NKAIN1: variants seen among roughly 807,000 people sequenced by gnomAD.
NKAIN1 encodes sodium/potassium transporting ATPase interacting 1, also known as sodium/potassium-transporting ATPase subunit beta-1-interacting protein 1.
Under a neutral mutation model 31.6 loss-of-function variants are expected in NKAIN1, and 13 were observed. The observed-to-expected ratio is 0.41, with a 90% CI of 0.27 to 0.65. The LOEUF (loss-of-function observed/expected upper bound fraction) is 0.65. Ranked by LOEUF, NKAIN1 falls within the 30% of genes least tolerant of loss-of-function variation. NKAIN1 has a pLI of 0.30. For synonymous variants in NKAIN1, 104 were observed against 109.0 expected (o/e 0.95, Z 0.28); for missense variants, 193 against 262.2 (o/e 0.74, Z 1.82).
intron 1 of NKAIN1, among the ~76,000 whole-genome samples, chr1:31,235,151 T>A (rs769793081): frequency 6.6e-6 from 1 of 152,112 alleles, no homozygotes; most frequent in Non-Finnish European, 1.5e-5. Flanking sequence ...GGAATGATAA[T>A]GATGATGATG....
chr1:31,234,206 G>A (rs755871623), intron 1 of NKAIN1, among the ~76,000 whole-genome samples: 29 of 152,150 alleles, frequency 1.9e-4, no homozygotes, highest in Non-Finnish European at 3.7e-4. Flanking sequence ...AGGGGCCAGT[G>A]GCCTGCATAA....
intron 1 of NKAIN1, among the ~76,000 whole-genome samples, chr1:31,199,245 G>T (rs554668116): frequency 6.6e-6 from 1 of 152,136 alleles, no homozygotes; most frequent in Non-Finnish European, 1.5e-5. Flanking sequence ...AGTTCTCATC[G>T]ACTCACTGTG....
intron 1 of NKAIN1, among the ~76,000 whole-genome samples, chr1:31,193,511 A>G (rs1645302216): frequency 1.3e-5 from 2 of 151,940 alleles, no homozygotes; most frequent in South Asian, 4.2e-4. Flanking sequence ...CCTAGCCAAC[A>G]TGGGGAAAAC....
rs1036617678 is a variant in NKAIN1 at position 31,236,228 on chromosome 1, C to G, written c.54+3266G>C. ...AAACTTCAGAGCCTTAACTACTATCCTACACTTATCCATCTGAAAGGCACA... is the reference window on the plus strand; with the variant it reads ...AAACTTCAGAGCCTTAACTACTATCGTACACTTATCCATCTGAAAGGCACA... On this transcript the variant is annotated intron_variant, in intron 1 of 6. Coordinates refer to ENST00000373736, the MANE Select transcript of NKAIN1 (RefSeq NM_024522.3). Among the ~76,000 whole-genome samples the G allele has an allele frequency of 3.3e-5, 5 of 152,154 alleles. No homozygotes were observed. The East Asian group carries it at 7.7e-4, about 23-fold the overall frequency.
intron 1 of NKAIN1, among the ~76,000 whole-genome samples, chr1:31,193,479 G>A (rs1176642892): frequency 2.6e-5 from 4 of 151,906 alleles, no homozygotes; most frequent in East Asian, 2.0e-4. Flanking sequence ...GGTGGATCAC[G>A]AGGTCAGGAG....
At chr1:31,232,395 T>TCA (rs1188048247) in intron 1 of NKAIN1, among the ~76,000 whole-genome samples, 1,297 of 12,136 alleles carry the variant, frequency 0.11, 110 homozygotes, top group African/African-American at 0.21. Flanking sequence ...CTGGCCTACT[T>TCA]CATATATATA....
At position 31,233,195 on chromosome 1, in the gene NKAIN1, A is replaced by C. The variant is rs1645668103; in HGVS notation, c.54+6299T>G. 6.6e-6 allele frequency among the ~76,000 whole-genome samples: 1 copy of C among 152,006 alleles called. No homozygotes were observed. Among genetic ancestry groups the C allele is most frequent in the Non-Finnish European group, 1.5e-5 (1 of 68,008 alleles). The stretch of plus-strand genomic sequence containing the variant: ...GAACTCCTGATCTCAAGTGATCTGC[A>C]TGCCTCGGCCTCCCAAAGTGCTGGG... On this transcript the variant is annotated intron_variant, in intron 1 of 6. Coordinates refer to ENST00000373736, the MANE Select transcript of NKAIN1 (RefSeq NM_024522.3). This position sits in a 1 kb window ranked among gnomAD's most constrained non-coding sequence, Gnocchi z 4.0.
At chr1:31,182,451 G>A (rs1645210265) in intron 5 of NKAIN1, 79 bp downstream of exon 5, 1 of 1,526,446 alleles carries the variant, frequency 6.6e-7, no homozygotes, top group African/African-American at 1.4e-5. Flanking sequence ...CCTCCCGCCG[G>A]GGCCAGTCAC....
chr1:31,234,452 G>A (rs1302584802), intron 1 of NKAIN1, among the ~76,000 whole-genome samples: 2 of 134,884 alleles, frequency 1.5e-5, no homozygotes, highest in Non-Finnish European at 1.5e-5. Context: ...CCCGCCCCCC[G>A]CCCCCACCTT....
chr1:31,200,668 C>A (rs919191889), intron 1 of NKAIN1, among the ~76,000 whole-genome samples: 2 of 151,932 alleles, frequency 1.3e-5, no homozygotes, highest in African/African-American at 4.8e-5. Flanking sequence ...ACTATATTTC[C>A]CAGGCTGGTC....
intron 1 of NKAIN1, among the ~76,000 whole-genome samples, chr1:31,221,623 C>A (rs6662203): frequency 0.32 from 48,020 of 151,532 alleles, 9,641 homozygotes; most frequent in African/African-American, 0.57. Flanking sequence ...TTTAGTAGAG[C>A]CGGGGTTTCA....
At position 31,234,809 on chromosome 1, in the gene NKAIN1, G is replaced by A. The variant is rs572645086; in HGVS notation, c.54+4685C>T. 6.6e-5 allele frequency among the ~76,000 whole-genome samples: 10 copies of A among 152,250 alleles called. No individual in the cohort carries two copies. The South Asian group carries it at 1.7e-3, about 25-fold the overall frequency. ...GTCTGGGGTCAAGCACTGGTTAAAC[G>A]CGAGCAGTAGAGTAGCACGGGGCTG... On this transcript the variant is annotated intron_variant, in intron 1 of 6. Coordinates refer to ENST00000373736, the MANE Select transcript of NKAIN1 (RefSeq NM_024522.3).
At chr1:31,213,353 T>C (rs1645485446) in intron 1 of NKAIN1, among the ~76,000 whole-genome samples, 1 of 152,178 alleles carries the variant, frequency 6.6e-6, no homozygotes, top group Non-Finnish European at 1.5e-5. Context: ...AAAATAGTCA[T>C]TTGGGAAATG....
At chr1:31,221,935 G>A (rs772229023) in intron 1 of NKAIN1, among the ~76,000 whole-genome samples, 24 of 152,066 alleles carry the variant, frequency 1.6e-4, no homozygotes, top group South Asian at 6.2e-4. Flanking sequence ...CTGGAGTGCA[G>A]TGGTGCGATC....
In NKAIN1 at chr1:31,187,072, G is replaced by A. The variant is rs75094232; in HGVS notation, c.192+978C>T. Among the ~76,000 whole-genome samples the A allele has an allele frequency of 5.3e-3, 809 of 152,268 alleles. 34 individuals carry two copies. In the East Asian group the frequency reaches 0.11, roughly 21 times the overall value. On this transcript the variant is annotated intron_variant, in intron 2 of 6. Transcript: ENST00000373736. ...GCTTTCCTGAGAACTGGAGAGAAGT[G>A]TTCTCTTATGTCAGATGAGAGAGAG...
At chr1:31,210,441 A>G (rs1645458798) in intron 1 of NKAIN1, among the ~76,000 whole-genome samples, 1 of 147,030 alleles carries the variant, frequency 6.8e-6, no homozygotes, top group African/African-American at 2.5e-5. Flanking sequence ...GGCACCCACC[A>G]CCACGCCCAG....
intron 1 of NKAIN1, among the ~76,000 whole-genome samples, chr1:31,231,892 T>C (rs540812575): frequency 6.6e-6 from 1 of 150,942 alleles, no homozygotes; most frequent in Non-Finnish European, 1.5e-5. Context: ...TTTGTCTCTC[T>C]GTGCCTGGCT....
chr1:31,205,960 G>A (rs957156916), intron 1 of NKAIN1, among the ~76,000 whole-genome samples: 1 of 151,512 alleles, frequency 6.6e-6, no homozygotes, highest in Non-Finnish European at 1.5e-5. Context: ...TAGGCCAGGT[G>A]CAGTGGCTTA....
At chr1:31,191,369 C>G (rs2148351104) in intron 1 of NKAIN1, among the ~76,000 whole-genome samples, 1 of 148,036 alleles carries the variant, frequency 6.8e-6, no homozygotes, top group Admixed American at 6.8e-5. Flanking sequence ...CCTCTGTTCT[C>G]TGTGACCTTA....
Sources: allele counts gnomAD v4.1 joint callset (sites outside exome capture counted in the v4.1 genomes callset), GRCh38; gene constraint gnomAD v4.1.1; non-coding constraint Gnocchi (gnomAD v3.1); transcripts MANE v1.5; gene names NCBI Gene and HGNC (gene_info 2026-07-23, HGNC 2026-07-21).